The following SWT1 variants were observed in gnomAD, a reference collection of about 807,000 sequenced individuals.
SWT1 encodes the protein SWT1 RNA endoribonuclease homolog.
SWT1 carries 33 observed loss-of-function variants against 107.3 expected under a neutral mutation model. The observed-to-expected ratio is 0.31, with a 90% CI of 0.23 to 0.41. The LOEUF (loss-of-function observed/expected upper bound fraction) is 0.41. SWT1 is among the 10% of genes least tolerant of loss of function. The pLI is 1.00. For synonymous variants in SWT1, 345 were observed against 348.3 expected, an observed-to-expected ratio of 0.99 and a Z score of 0.11; for missense variants, 898 against 1,028.9, an observed-to-expected ratio of 0.87 and a Z score of 1.74.
chr1:185,285,413 C>G (rs897966318), intron 18 of SWT1, among the ~76,000 whole-genome samples: 5 of 152,136 alleles, frequency 3.3e-5, no homozygotes, highest in African/African-American at 1.2e-4. Flanking sequence ...CAACACCTGG[C>G]GGTTCAACAT....
In SWT1 at chr1:185,244,228, A is replaced by G. The variant is rs565136194; in HGVS notation, c.2441+12520A>G. On this transcript the variant is annotated intron_variant, in intron 16 of 18. Coordinates refer to ENST00000367500, the MANE Select transcript of SWT1 (RefSeq NM_017673.7). The stretch of plus-strand genomic sequence containing the variant: ...GCTGGGATTACAGATGTGAGCTACC[A>G]CACCCAGCTAGTCATACATATCTTA... Among the ~76,000 whole-genome samples, 399 of 152,204 alleles carry G rather than the reference A, an allele frequency of 2.6e-3. 1 individual carries two copies. The highest frequency in any genetic ancestry group is 4.8e-3 in the Non-Finnish European group (324 of 68,012).
intron 9 of SWT1, among the ~76,000 whole-genome samples, chr1:185,189,136 G>A (rs1207843801): frequency 6.6e-6 from 1 of 151,930 alleles, no homozygotes; most frequent in African/African-American, 2.4e-5. Flanking sequence ...ACAGGAGTGT[G>A]CCACCGAGCC....
intron 10 of SWT1, among the ~76,000 whole-genome samples, chr1:185,194,966 G>T (rs1194816315): frequency 6.6e-6 from 1 of 151,810 alleles, no homozygotes; most frequent in Admixed American, 6.6e-5. Flanking sequence ...TTGCTCTGTG[G>T]TTTCTTTTCT....
Position 185,166,642 on chromosome 1 carries a change from A to G in SWT1, c.155A>G (p.Lys52Arg). 6.3e-7 allele frequency: 1 copy of G among 1,593,986 alleles called. No individual in the cohort carries two copies. Among genetic ancestry groups the G allele is most frequent in the Non-Finnish European group, 8.6e-7 (1 of 1,165,880 alleles). The change falls in exon 3 of 19, where the codon AAG becomes AGG. Residue 52 changes from lysine to arginine, a missense_variant. Lys to Arg is a conservative substitution (Grantham distance 26). Around this residue, in one of 6 missense-constraint regions of SWT1, gnomAD observed 382 missense variants for 362.4 expected, o/e 1.05. Transcript: ENST00000367500. ...SSSIRSVSSEKRKLKSDHTDV... is the reference protein window; with the variant it reads ...SSSIRSVSSERRKLKSDHTDV... The stretch of plus-strand genomic sequence containing the variant: ...TCTATAAGATCAGTTTCATCAGAAA[A>G]GAGAAAACTGGTGAGTGTCTAGATA...
intron 13 of SWT1, among the ~76,000 whole-genome samples, chr1:185,212,260 C>T (rs1658878986): frequency 6.6e-6 from 1 of 151,872 alleles, no homozygotes; most frequent in African/African-American, 2.4e-5. Flanking sequence ...TATCTTTTAC[C>T]TGGGTCATAA....
At chr1:185,280,029 G>A (rs1664518759) in intron 18 of SWT1, among the ~76,000 whole-genome samples, 1 of 152,048 alleles carries the variant, frequency 6.6e-6, no homozygotes, top group African/African-American at 2.4e-5. Flanking sequence ...GTTAGGTTTT[G>A]TGTCCCCACC....
In SWT1 at chr1:185,160,941, T is replaced by C; in HGVS notation, c.84+16T>C. The C allele has an allele frequency of 6.4e-7, 1 of 1,574,726 alleles. No individual in the cohort carries two copies. The highest frequency in any genetic ancestry group is 8.7e-7 in the Non-Finnish European group (1 of 1,146,174). ...TGGTGAAAAAGTAAGAATTTTGATTTACTGACCTAGAGATACATTTCAATT... is the reference window on the plus strand; with the variant it reads ...TGGTGAAAAAGTAAGAATTTTGATTCACTGACCTAGAGATACATTTCAATT... On this transcript the variant is annotated intron_variant, in intron 2 of 18. Coordinates refer to ENST00000367500, the MANE Select transcript of SWT1 (RefSeq NM_017673.7).
chr1:185,204,716 A>C lies in SWT1; in HGVS notation c.1686A>C (p.Lys562Asn). Residue 562 changes from lysine (K) to asparagine (N), a missense_variant, in exon 12 of 19, where the codon AAA (lysine) becomes AAC (asparagine). Transcript: ENST00000367500. The part of the protein sequence containing the change: ...QQLKAETTPL[K>N]ESYKEESTNS... ...GTTTTAAAGAAACAACACCCTTGAA[A>C]GAGAGCTATAAGGAGGAATCTACAA... The C allele has an allele frequency of 6.3e-7, 1 of 1,578,760 alleles. No individual in the cohort carries two copies. Among genetic ancestry groups the C allele is most frequent in the South Asian group, 1.2e-5 (1 of 83,394 alleles).
At chr1:185,221,768 T>C in intron 14 of SWT1, 81 bp from the exon 15 acceptor site, 1 of 957,244 alleles carries the variant, frequency 1.0e-6, no homozygotes, top group Non-Finnish European at 1.5e-6. Context: ...GCTAGAACAT[T>C]TGTAAGCACA....
In SWT1 at chr1:185,238,123, A is replaced by T. The variant is rs147261365; in HGVS notation, c.2441+6415A>T. Among the ~76,000 whole-genome samples, 78 of 152,038 alleles carry T rather than the reference A, an allele frequency of 5.1e-4. No individual in the cohort carries two copies. In the East Asian group the frequency reaches 0.013, roughly 26 times the overall value. On this transcript the variant is annotated intron_variant, in intron 16 of 18. Transcript: ENST00000367500. ...CACCTCAGTCTCCTGAGTAGCTGGG[A>T]CTACAGGTACATGCCACCACAGTCA...
At chr1:185,252,275 A>G (rs1344036645) in intron 16 of SWT1, among the ~76,000 whole-genome samples, 1 of 152,044 alleles carries the variant, frequency 6.6e-6, no homozygotes, top group Non-Finnish European at 1.5e-5. Context: ...AGCATGATTT[A>G]TAGTCCTTTG....
intron 15 of SWT1, among the ~76,000 whole-genome samples, chr1:185,223,356 T>G (rs1461237916): frequency 6.6e-6 from 1 of 152,104 alleles, no homozygotes; most frequent in Non-Finnish European, 1.5e-5. Flanking sequence ...TTTTAATTTC[T>G]TATAGAGATG....
intron 15 of SWT1, chr1:185,227,449 G>T: frequency 1.6e-6 from 1 of 617,908 alleles, no homozygotes; most frequent in South Asian, 1.5e-5. Flanking sequence ...CCATTATTTT[G>T]GCAGTTTGTG....
chr1:185,204,644 T>A (rs1658165368), intron 11 of SWT1, 56 bp from the exon 12 acceptor site: 2 of 872,310 alleles, frequency 2.3e-6, no homozygotes, highest in Non-Finnish European at 3.5e-6. Context: ...ACTAATTATA[T>A]GTATAATAAT....
chr1:185,280,923 G>A (rs1664577052), intron 18 of SWT1: 1 of 485,684 alleles, frequency 2.1e-6, no homozygotes, highest in Middle Eastern at 7.3e-4. Flanking sequence ...AGCTAATTTG[G>A]TGAGGTTGGA....
intron 4 of SWT1, among the ~76,000 whole-genome samples, chr1:185,173,662 T>C (rs558407241): frequency 6.6e-6 from 1 of 151,792 alleles, no homozygotes; most frequent in Non-Finnish European, 1.5e-5. Context: ...TGAGCCAAGA[T>C]CGCGCCACTG....
intron 16 of SWT1, among the ~76,000 whole-genome samples, chr1:185,266,254 C>T (rs1012016494): frequency 1.3e-5 from 2 of 152,024 alleles, no homozygotes; most frequent in South Asian, 2.1e-4. Context: ...TTAGTAGACA[C>T]GGGGTTTCAC....
intron 2 of SWT1, among the ~76,000 whole-genome samples, chr1:185,161,320 A>G (rs1258390267): frequency 6.6e-6 from 1 of 152,162 alleles, no homozygotes; most frequent in African/African-American, 2.4e-5. Flanking sequence ...CATTCTTATC[A>G]GTCAGAATGG....
Position 185,241,225 on chromosome 1 carries a change from A to G in SWT1, c.2441+9517A>G, listed in dbSNP as rs539196318. ...TTAAAAACTTCATCCTTTGAAGTTT[A>G]GAAGTGACTTTTTAGACTCTGAACT... On this transcript the variant is annotated intron_variant, in intron 16 of 18. Transcript: ENST00000367500. 3.3e-5 allele frequency among the ~76,000 whole-genome samples: 5 copies of G among 152,312 alleles called. No individual in the cohort carries two copies. In the East Asian group the frequency reaches 9.6e-4, roughly 29 times the overall value.
Sources: gnomAD v4.1 joint callset for allele counts (sites outside exome capture counted in the v4.1 genomes callset) on GRCh38, gnomAD v4.1.1 for gene constraint, gnomAD v4.1.1 regional missense constraint, MANE v1.5 for transcripts, NCBI Gene and HGNC (gene_info 2026-07-23, HGNC 2026-07-21) for gene names.